Variants in RBFOX1 observed in about 807,000 individuals in gnomAD.
RBFOX1 encodes the protein RNA binding protein fox-1 homolog 1.
RBFOX1 carries 8 observed loss-of-function variants against 57.7 expected under a neutral mutation model. That is an observed-to-expected ratio of 0.14 (90% confidence interval 0.08 to 0.25). The LOEUF (loss-of-function observed/expected upper bound fraction) is 0.25, where lower values mean the gene tolerates loss of function less well. Ranked by LOEUF, RBFOX1 falls within the 10% of genes least tolerant of loss-of-function variation. RBFOX1 has a pLI of 1.00. For missense variants in RBFOX1, 611 were observed against 548.5 expected (o/e 1.11, Z -1.14); for synonymous variants, 326 against 222.4 (o/e 1.47, Z -4.15).
chr16:5,754,066 A>T (rs1439788457), intron 3 of RBFOX1, among the ~76,000 whole-genome samples: 1 of 152,158 alleles, frequency 6.6e-6, no homozygotes, highest in East Asian at 1.9e-4. Context: ...GATAATGCAA[A>T]ACTACCTGCA....
intron 3 of RBFOX1, among the ~76,000 whole-genome samples, chr16:6,766,209 C>CA: frequency 6.6e-6 from 1 of 152,190 alleles, no homozygotes; most frequent in Non-Finnish European, 1.5e-5. Flanking sequence ...AAGAGCCCTT[C>CA]AGTCCAACCA....
intron 4 of RBFOX1, among the ~76,000 whole-genome samples, chr16:7,062,242 C>G (rs1050284352): frequency 2.1e-5 from 3 of 142,882 alleles, no homozygotes; most frequent in African/African-American, 8.2e-5. Context: ...TGCCGTGAAC[C>G]GAGATCATGA....
rs1256159852 is a variant in RBFOX1 at position 7,595,687 on chromosome 16, T to A, written c.561+46T>A. On this transcript the variant is annotated intron_variant, in intron 8 of 15. Coordinates refer to ENST00000550418, the MANE Select transcript of RBFOX1 (RefSeq NM_018723.4). ...CCTTTTCATCTTTTTTATAAATGTC[T>A]GCTTCACGCTCATTCGTTGTTCCAG... is the stretch of plus-strand genomic sequence containing the variant. 5 of 1,483,012 alleles carry A rather than the reference T, an allele frequency of 3.4e-6. No individual in the cohort carries two copies. In the South Asian group the frequency reaches 4.1e-5, roughly 12 times the overall value. 91.9% of individuals were successfully genotyped at this position (1,483,012 alleles called of 1,614,324 possible).
chr16:7,065,307 C>G (rs560217112), intron 4 of RBFOX1, among the ~76,000 whole-genome samples: 69 of 152,112 alleles, frequency 4.5e-4, no homozygotes, highest in African/African-American at 1.4e-3. Flanking sequence ...CTGATGGAGC[C>G]GTGTAATCTG....
intron 2 of RBFOX1, among the ~76,000 whole-genome samples, chr16:6,518,598 C>G (rs908668274): frequency 3.9e-5 from 6 of 152,264 alleles, no homozygotes; most frequent in African/African-American, 1.4e-4. Context: ...GAAATTCAGA[C>G]CACTTACTGC....
intron 4 of RBFOX1, among the ~76,000 whole-genome samples, chr16:7,225,197 C>T (rs1169243185): frequency 2.6e-5 from 4 of 152,076 alleles, no homozygotes; most frequent in Non-Finnish European, 5.9e-5. Flanking sequence ...TTTGTAAGTG[C>T]ACGTGATCTC....
intron 3 of RBFOX1, among the ~76,000 whole-genome samples, chr16:5,761,530 G>C (rs958312244): frequency 2.6e-5 from 4 of 152,178 alleles, no homozygotes; most frequent in Non-Finnish European, 5.9e-5. Flanking sequence ...GCAAGGAAGA[G>C]GAAAGTCATG....
intron 1 of RBFOX1, among the ~76,000 whole-genome samples, chr16:5,409,227 T>C (rs966235742): frequency 6.6e-6 from 1 of 152,226 alleles, no homozygotes; most frequent in Non-Finnish European, 1.5e-5. Context: ...CAGAAGGCGA[T>C]GGCTTGGCCT....
chr16:7,148,080 C>CA (rs1446434410), intron 4 of RBFOX1, among the ~76,000 whole-genome samples: 4 of 152,152 alleles, frequency 2.6e-5, no homozygotes, highest in Admixed American at 1.3e-4. Flanking sequence ...GATGAGCAGA[C>CA]AAACCTAGTC....
At chr16:7,469,503 C>G (rs754643852) in intron 4 of RBFOX1, among the ~76,000 whole-genome samples, 1 of 152,180 alleles carries the variant, frequency 6.6e-6, no homozygotes, top group Non-Finnish European at 1.5e-5. Context: ...TCCTTCATAT[C>G]TCAGCTTGCA....
At chr16:7,032,276 C>G (rs894640190) in intron 3 of RBFOX1, among the ~76,000 whole-genome samples, 3 of 151,544 alleles carry the variant, frequency 2.0e-5, no homozygotes, top group African/African-American at 4.9e-5. Flanking sequence ...AAAACAAAAA[C>G]AAAAACAAAA....
In RBFOX1 at chr16:7,657,048, A is replaced by T. The variant is rs1035813417; in HGVS notation, c.890+3101A>T. 2.6e-5 allele frequency among the ~76,000 whole-genome samples: 4 copies of T among 152,184 alleles called. No homozygotes were observed. The East Asian group carries it at 7.7e-4, about 29-fold the overall frequency. ...GTTTCCACTGTCACCAATTGAAGGC[A>T]TATCTGCCAACCTAAATCTGTTCTT... On this transcript the variant is annotated intron_variant, in intron 12 of 15. Coordinates refer to ENST00000550418, the MANE Select transcript of RBFOX1 (RefSeq NM_018723.4).
rs367748589 is a variant in RBFOX1, at chr16:6,338,606, C to G, written c.-64+21549C>G. Among the ~76,000 whole-genome samples the G allele has an allele frequency of 2.0e-5, 3 of 152,190 alleles. No homozygotes were observed. In the East Asian group the frequency reaches 5.8e-4, roughly 29 times the overall value. ...GGATGAAATCTAAGTTCTTGGCTTT[C>G]TCTTAAAGAGTACTTTAAAGGTTAG... is the stretch of plus-strand genomic sequence containing the variant. On this transcript the variant is annotated intron_variant, in intron 2 of 15. Coordinates refer to ENST00000550418, the MANE Select transcript of RBFOX1 (RefSeq NM_018723.4).
At chr16:7,415,774 A>G (rs1239010465) in intron 4 of RBFOX1, among the ~76,000 whole-genome samples, 4 of 120,466 alleles carry the variant, frequency 3.3e-5, no homozygotes, top group African/African-American at 1.1e-4. Context: ...AGGAAAGTGG[A>G]AGAAAATAAG....
chr16:6,521,487 T>C (rs1248645833), intron 2 of RBFOX1, among the ~76,000 whole-genome samples: 1 of 116,424 alleles, frequency 8.6e-6, no homozygotes, highest in African/African-American at 3.3e-5. Context: ...TCCTCTCCCC[T>C]CTCCTCCCGT....
chr16:6,002,240 G>A (rs1008224941), intron 4 of RBFOX1, among the ~76,000 whole-genome samples: 5 of 152,246 alleles, frequency 3.3e-5, no homozygotes, highest in East Asian at 1.9e-4. Context: ...GCCTGCCAAA[G>A]TTCTCATTTT....
At chr16:6,881,780 A>C (rs115023165) in intron 3 of RBFOX1, among the ~76,000 whole-genome samples, 1 of 152,154 alleles carries the variant, frequency 6.6e-6, no homozygotes, top group African/African-American at 2.4e-5. Context: ...ACCATTATCC[A>C]CTGGAGCCTC....
chr16:5,845,333 A>G (rs1413046242), intron 3 of RBFOX1, among the ~76,000 whole-genome samples: 1 of 152,164 alleles, frequency 6.6e-6, no homozygotes, highest in Admixed American at 6.5e-5. Flanking sequence ...AGCACTGGGA[A>G]TATTCCTCTC....
Position 5,528,852 on chromosome 16 carries a change from G to A in RBFOX1, c.258+61598G>A, listed in dbSNP as rs528918818. Among the ~76,000 whole-genome samples the A allele has an allele frequency of 1.6e-3, 242 of 152,230 alleles. 2 individuals carry two copies. The highest frequency in any genetic ancestry group is 2.6e-4 in the Non-Finnish European group (18 of 68,022). ...TTTAGTAAAGGTGAGGTTTCACCATGTTGGTTAAGCTGGTCTTGAACTCCT... is the reference window on the plus strand; with the variant it reads ...TTTAGTAAAGGTGAGGTTTCACCATATTGGTTAAGCTGGTCTTGAACTCCT... On this transcript the variant is annotated intron_variant, in intron 2 of 2. Transcript: ENST00000585867.
Sources: gnomAD v4.1 joint callset for allele counts (sites outside exome capture counted in the v4.1 genomes callset) on GRCh38, gnomAD v4.1.1 for gene constraint, MANE v1.5 for transcripts, NCBI Gene and HGNC (gene_info 2026-07-23, HGNC 2026-07-21) for gene names.